Variants in MACROD2 observed in about 807,000 individuals in gnomAD.
The protein encoded by MACROD2 is ADP-ribose glycohydrolase MACROD2.
In MACROD2, 36 loss-of-function variants were observed where a neutral mutation model predicts 70.4. That is an observed-to-expected ratio of 0.51 (90% CI 0.39 to 0.68). The LOEUF (loss-of-function observed/expected upper bound fraction) is 0.68, where lower values mean the gene tolerates loss of function less well. Among genes scored for constraint, MACROD2 ranks in the 30% least tolerant of loss-of-function variants. The pLI, the probability that MACROD2 is intolerant of heterozygous loss-of-function variation, is 0.00. For synonymous variants in MACROD2, 172 were observed against 178.8 expected, an observed-to-expected ratio of 0.96 and a Z score of 0.30; for missense variants, 496 against 538.4, an observed-to-expected ratio of 0.92 and a Z score of 0.78.
chr20:15,695,128 G>A (rs896962521), intron 8 of MACROD2, among the ~76,000 whole-genome samples: 1 of 152,134 alleles, frequency 6.6e-6, no homozygotes, highest in Non-Finnish European at 1.5e-5. Context: ...TGGCCTTATA[G>A]TGTAGTTTGA....
At chr20:14,528,661 CG>C (rs2085265424) in intron 4 of MACROD2, among the ~76,000 whole-genome samples, 1 of 151,122 alleles carries the variant, frequency 6.6e-6, no homozygotes, top group Admixed American at 6.6e-5. Context: ...TTTCTTTTTG[CG>C]GGGGTTGGGG....
intron 8 of MACROD2, among the ~76,000 whole-genome samples, chr20:15,744,896 A>G (rs1482531251): frequency 1.3e-5 from 2 of 152,152 alleles, no homozygotes; most frequent in Admixed American, 1.3e-4. Flanking sequence ...CAGGTTTCTT[A>G]CATATGTATA....
At chr20:14,633,075 A>G (rs903880535) in intron 4 of MACROD2, among the ~76,000 whole-genome samples, 2 of 152,218 alleles carry the variant, frequency 1.3e-5, no homozygotes, top group African/African-American at 2.4e-5. Context: ...GAGGCCCTGG[A>G]GAGGAACCTT....
chr20:15,634,380 TATTATTC>T (rs1568942155), intron 8 of MACROD2, among the ~76,000 whole-genome samples: 1 of 152,242 alleles, frequency 6.6e-6, no homozygotes, highest in African/African-American at 2.4e-5. Flanking sequence ...GAAATGTCTT[TATTATTC>T]ATAAAACTGT....
intron 5 of MACROD2, 36 bp from the exon 6 acceptor site, chr20:15,229,904 C>T (rs751991942): frequency 1.6e-5 from 25 of 1,565,184 alleles, no homozygotes; most frequent in South Asian, 2.5e-5. Flanking sequence ...AAAAATACCT[C>T]GCTTATCCTC....
At chr20:14,325,243 C>T (rs1482744816) in intron 3 of MACROD2, 1 of 194,012 alleles carries the variant, frequency 5.2e-6, no homozygotes, top group African/African-American at 2.3e-5. Flanking sequence ...GTCAACAAGT[C>T]ATCTTACTCA....
At chr20:14,154,002 C>G (rs954471947) in intron 3 of MACROD2, among the ~76,000 whole-genome samples, 1 of 152,114 alleles carries the variant, frequency 6.6e-6, no homozygotes, top group Admixed American at 6.5e-5. Flanking sequence ...CACTAAAATG[C>G]GATAGGAATA....
intron 6 of MACROD2, among the ~76,000 whole-genome samples, chr20:15,276,316 C>T (rs112842715): frequency 1.5e-4 from 22 of 148,844 alleles, no homozygotes; most frequent in Non-Finnish European, 3.0e-4. Flanking sequence ...AGGAGAAGGG[C>T]GTGAACCCGG....
At chr20:15,662,777 A>G (rs569454753) in intron 8 of MACROD2, among the ~76,000 whole-genome samples, 1 of 151,718 alleles carries the variant, frequency 6.6e-6, no homozygotes, top group South Asian at 2.1e-4. Flanking sequence ...TAAGTTTTGA[A>G]TTAGTGGCCA....
At chr20:14,633,827 C>T (rs965078627) in intron 4 of MACROD2, among the ~76,000 whole-genome samples, 7 of 152,334 alleles carry the variant, frequency 4.6e-5, no homozygotes, top group African/African-American at 1.4e-4. Context: ...GGGGTATCAT[C>T]ATAGCCTCCT....
At chr20:15,996,416 T>C (rs551198718) in intron 15 of MACROD2, among the ~76,000 whole-genome samples, 6 of 152,270 alleles carry the variant, frequency 3.9e-5, no homozygotes, top group Non-Finnish European at 7.4e-5. Context: ...TTGAGTAAGA[T>C]TGTCATTAAT....
At chr20:15,131,307 CACTA>C (rs1346479676) in intron 5 of MACROD2, among the ~76,000 whole-genome samples, 1 of 152,054 alleles carries the variant, frequency 6.6e-6, no homozygotes, top group African/African-American at 2.4e-5. Context: ...AAATGAGTAA[CACTA>C]AAACACACCT....
chr20:14,456,718 T>C (rs949091397), intron 3 of MACROD2, among the ~76,000 whole-genome samples: 9 of 142,470 alleles, frequency 6.3e-5, no homozygotes, highest in African/African-American at 2.1e-4. Context: ...AGGATCTTTT[T>C]TTTTTTTTTT....
chr20:14,042,298 GA>G (rs1165450816), intron 2 of MACROD2, among the ~76,000 whole-genome samples: 1 of 152,132 alleles, frequency 6.6e-6, no homozygotes, highest in Non-Finnish European at 1.5e-5. Context: ...TGGATTTTAG[GA>G]GAGAGATCTT....
At chr20:14,754,117 GT>G (rs879585788) in intron 5 of MACROD2, among the ~76,000 whole-genome samples, 2 of 152,122 alleles carry the variant, frequency 1.3e-5, no homozygotes, top group African/African-American at 2.4e-5. Flanking sequence ...TTTAATAAAT[GT>G]TTTTTATATT....
At chr20:14,053,322 T>G (rs2053593773) in intron 2 of MACROD2, 3 of 152,114 alleles carry the variant, frequency 2.0e-5, no homozygotes, top group Admixed American at 1.3e-4. Flanking sequence ...GGTAGAAAAC[T>G]GAAAAGGGAG....
intron 6 of MACROD2, among the ~76,000 whole-genome samples, chr20:15,390,656 A>G (rs1261836195): frequency 6.6e-6 from 1 of 152,182 alleles, no homozygotes; most frequent in Non-Finnish European, 1.5e-5. Flanking sequence ...CTTAGCTTCC[A>G]TTTTGGGGGG....
At chr20:15,279,889 C>A (rs972810545) in intron 6 of MACROD2, among the ~76,000 whole-genome samples, 2 of 152,074 alleles carry the variant, frequency 1.3e-5, no homozygotes, top group African/African-American at 4.8e-5. Flanking sequence ...ATAAAATTTT[C>A]TTTTGGTAAT....
intron 6 of MACROD2, among the ~76,000 whole-genome samples, chr20:15,255,741 G>T (rs1356130207): frequency 6.6e-6 from 1 of 152,074 alleles, no homozygotes; most frequent in Non-Finnish European, 1.5e-5. Context: ...AGTTATTTTT[G>T]CCTAGTTCCA....
Sources: gnomAD v4.1 joint callset for allele counts (sites outside exome capture counted in the v4.1 genomes callset) on GRCh38, gnomAD v4.1.1 for gene constraint, MANE v1.5 for transcripts, NCBI Gene and HGNC (gene_info 2026-07-23, HGNC 2026-07-21) for gene names.